The following OSBPL1A variants were observed in gnomAD, a reference collection of about 807,000 sequenced individuals.
OSBPL1A encodes oxysterol-binding protein-related protein 1.
Under a neutral mutation model 137.1 loss-of-function variants are expected in OSBPL1A, and 80 were observed. That is an observed-to-expected ratio of 0.58 (90% CI 0.49 to 0.70). The LOEUF (loss-of-function observed/expected upper bound fraction) is 0.70, where lower values mean the gene tolerates loss of function less well. Among genes scored for constraint, OSBPL1A ranks in the 30% least tolerant of loss-of-function variants. The pLI, the probability that OSBPL1A is intolerant of heterozygous loss-of-function variation, is 0.00. For synonymous variants in OSBPL1A, 365 were observed against 389.7 expected (o/e 0.94, Z 0.75); for missense variants, 970 against 1,129.4 (o/e 0.86, Z 2.02).
intron 16 of OSBPL1A, among the ~76,000 whole-genome samples, chr18:24,235,234 G>A (rs988611472): frequency 1.3e-5 from 2 of 152,228 alleles, no homozygotes; most frequent in African/African-American, 4.8e-5. Flanking sequence ...GAGGCTAGAG[G>A]AAAGTAGGTG....
chr18:24,225,670 T>TGCC (rs1567958460), intron 16 of OSBPL1A, among the ~76,000 whole-genome samples: 75 of 152,316 alleles, frequency 4.9e-4, no homozygotes, highest in African/African-American at 1.8e-3. Flanking sequence ...AATTTAAAAA[T>TGCC]ACTTTAAAAA....
intron 18 of OSBPL1A, among the ~76,000 whole-genome samples, chr18:24,187,951 T>C (rs2086792803): frequency 6.6e-6 from 1 of 152,220 alleles, no homozygotes; most frequent in African/African-American, 2.4e-5. Flanking sequence ...CTCAGCTCCC[T>C]TCCTGTTTTC....
chr18:24,226,887 A>ATTTTTTTTT (rs5823416), intron 16 of OSBPL1A, among the ~76,000 whole-genome samples: 2 of 100,860 alleles, frequency 2.0e-5, no homozygotes, highest in Non-Finnish European at 3.9e-5. Flanking sequence ...AAAGAAACAG[A>ATTTTTTTTT]TTTTTTTTTT....
chr18:24,335,523 A>C (rs539779170), intron 5 of OSBPL1A, among the ~76,000 whole-genome samples: 1 of 152,334 alleles, frequency 6.6e-6, no homozygotes, highest in Non-Finnish European at 1.5e-5. Flanking sequence ...GGTAAGATCT[A>C]ATTTCTGCTA....
At chr18:24,214,252 A>C (rs544572280) in intron 17 of OSBPL1A, among the ~76,000 whole-genome samples, 28 of 152,238 alleles carry the variant, frequency 1.8e-4, no homozygotes, top group African/African-American at 6.0e-4. Context: ...CCTAAAGGAA[A>C]CGGTCTGAAC....
chr18:24,350,374 C>T (rs2091418204), intron 4 of OSBPL1A, among the ~76,000 whole-genome samples: 2 of 152,164 alleles, frequency 1.3e-5, no homozygotes, highest in South Asian at 4.1e-4. Context: ...TGCCCAAGAC[C>T]ACTTATCTAG....
At chr18:24,243,137 G>A (rs1453563073) in intron 15 of OSBPL1A, among the ~76,000 whole-genome samples, 1 of 152,136 alleles carries the variant, frequency 6.6e-6, no homozygotes, top group African/African-American at 2.4e-5. Flanking sequence ...TGAGGCAGAA[G>A]AATCGCTTGA....
chr18:24,178,266 A>G, intron 20 of OSBPL1A, 71 bp from the exon 21 acceptor site: 1 of 1,303,340 alleles, frequency 7.7e-7, no homozygotes, highest in Admixed American at 2.4e-5. Flanking sequence ...TTAAACATGT[A>G]CATAATTGCC....
intron 14 of OSBPL1A, among the ~76,000 whole-genome samples, chr18:24,291,579 T>C (rs1217393823): frequency 6.6e-6 from 1 of 151,886 alleles, no homozygotes; most frequent in African/African-American, 2.4e-5. Context: ...TGAAGTAAAA[T>C]TGGAAGAGAT....
intron 1 of OSBPL1A, among the ~76,000 whole-genome samples, chr18:24,389,715 C>T (rs1907189891): frequency 6.6e-6 from 1 of 152,080 alleles, no homozygotes; most frequent in African/African-American, 2.4e-5. Flanking sequence ...CCAGGGAGGG[C>T]AGATCACTTG....
chr18:24,336,744 A>G (rs1738337344), intron 5 of OSBPL1A, among the ~76,000 whole-genome samples: 1 of 152,236 alleles, frequency 6.6e-6, no homozygotes, highest in Admixed American at 6.5e-5. Context: ...TGATGCTTAC[A>G]TACATGCAGA....
Position 24,368,310 on chromosome 18 carries a change from G to A in OSBPL1A, c.184C>T (p.Gln62Ter), listed in dbSNP as rs768529217. ...LHLACYFGHRQVVQDLLKAGA... is the reference protein window; with the variant it reads ...LHLACYFGHR ...ACCTTCAACAGATCCTGGACCACTT[G>A]TCTGTGTCCAAAATAGCATGCCAGA... Residue 62 changes from glutamine (Q) to a stop codon, truncating the protein, a stop_gained, in exon 3 of 28, where the codon CAA becomes TAA. Transcript: ENST00000319481. LOFTEE classifies it high-confidence loss of function. The A allele has an allele frequency of 3.1e-6, 5 of 1,613,106 alleles. No homozygotes were observed. Among genetic ancestry groups the A allele is most frequent in the Non-Finnish European group, 4.2e-6 (5 of 1,179,174 alleles).
intron 17 of OSBPL1A, among the ~76,000 whole-genome samples, chr18:24,222,606 A>C (rs1410472349): frequency 6.6e-6 from 1 of 152,156 alleles, no homozygotes; most frequent in African/African-American, 2.4e-5. Context: ...TTCTGGAAAA[A>C]AAGTACCACA....
intron 4 of OSBPL1A, among the ~76,000 whole-genome samples, chr18:24,364,149 A>G (rs1297535499): frequency 6.6e-6 from 1 of 152,222 alleles, no homozygotes; most frequent in Non-Finnish European, 1.5e-5. Context: ...CCACACAGGC[A>G]AATGGCAAAA....
intron 27 of OSBPL1A, 27 bp from the exon 28 acceptor site, chr18:24,163,308 AC>A (rs780918398): frequency 6.7e-7 from 1 of 1,499,032 alleles, no homozygotes; most frequent in South Asian, 1.2e-5. Context: ...GACAAGACTT[AC>A]AGGGGAAACT....
At chr18:24,176,485 T>TG (rs1567921371) in intron 21 of OSBPL1A, among the ~76,000 whole-genome samples, 7 of 151,202 alleles carry the variant, frequency 4.6e-5, no homozygotes, top group African/African-American at 1.5e-4. Flanking sequence ...TTTTTTTTTT[T>TG]TGGCTAAAAT....
At chr18:24,293,082 C>A (rs1436614909) in intron 14 of OSBPL1A, among the ~76,000 whole-genome samples, 9 of 122,198 alleles carry the variant, frequency 7.4e-5, no homozygotes, top group Non-Finnish European at 1.4e-4. Context: ...CTAGCCCAGG[C>A]GACAGAGAGG....
rs575436200 is a variant in OSBPL1A at position 24,279,679 on chromosome 18, C to T, written c.1281+1163G>A. Among the ~76,000 whole-genome samples, 135 of 152,134 alleles carry T rather than the reference C, an allele frequency of 8.9e-4. 1 individual carries two copies. Among genetic ancestry groups the T allele is most frequent in the African/African-American group, 3.2e-3 (131 of 41,516 alleles). On this transcript the variant is annotated intron_variant, in intron 15 of 27. Transcript: ENST00000319481. ...CAAAATGGAAAAGAAAGCCTAGTGA[C>T]CTTGACTTACATTGAAATCATAAAA... is the stretch of plus-strand genomic sequence containing the variant.
At position 24,334,339 on chromosome 18, in the gene OSBPL1A, G is replaced by A. The variant is rs202077928; in HGVS notation, c.395-9C>T. On this transcript the variant is annotated splice_polypyrimidine_tract_variant and intron_variant, in intron 5 of 27. Coordinates refer to ENST00000319481, the MANE Select transcript of OSBPL1A (RefSeq NM_080597.4). The stretch of plus-strand genomic sequence containing the variant: ...TTGAGTCCTTTCTACAGCTGCAAAA[G>A]AAAAGTACTTATTATCCACTGCTAG... 2.6e-5 allele frequency: 41 copies of A among 1,599,828 alleles called. No individual in the cohort carries two copies. In the Admixed American group the frequency reaches 3.5e-4, roughly 14 times the overall value.
Sources: gnomAD v4.1 joint callset for allele counts (sites outside exome capture counted in the v4.1 genomes callset) on GRCh38, gnomAD v4.1.1 for gene constraint, MANE v1.5 for transcripts, NCBI Gene and HGNC (gene_info 2026-07-23, HGNC 2026-07-21) for gene names.